Variants in RORA observed in about 807,000 individuals in gnomAD.
The protein encoded by RORA is nuclear receptor ROR-alpha.
In RORA, 7 loss-of-function variants were observed where a neutral mutation model predicts 69.5. The ratio of observed to expected loss-of-function variants is 0.10; its 90% confidence interval spans 0.06 to 0.19. The LOEUF is 0.19. Among genes scored for constraint, RORA ranks in the 10% least tolerant of loss-of-function variants. The probability of loss-of-function intolerance (pLI) is 1.00; values close to 1 mark genes in which losing one functional copy is unlikely to be tolerated. For synonymous variants in RORA, 261 were observed against 240.8 expected, an observed-to-expected ratio of 1.08 and a Z score of -0.78; for missense variants, 457 against 663.0, an observed-to-expected ratio of 0.69 and a Z score of 3.41.
chr15:60,592,678 G>GCGCCC (rs1398962248), intron 2 of RORA: 232 of 1,072,180 alleles, frequency 2.2e-4, no homozygotes, highest in African/African-American at 3.2e-4. Context: ...CCCCAGCGCC[G>GCGCCC]CGCCCCGCCC....
chr15:60,847,919 A>T (rs1019161045), intron 1 of RORA: 1 of 152,252 alleles, frequency 6.6e-6, no homozygotes, highest in Non-Finnish European at 1.5e-5. Context: ...TCATCCATGT[A>T]CAAGTTAGCC....
chr15:61,132,290 T>A (rs970858881), intron 1 of RORA, among the ~76,000 whole-genome samples: 3 of 152,182 alleles, frequency 2.0e-5, no homozygotes, highest in African/African-American at 7.2e-5. Flanking sequence ...GTTTTTTTTT[T>A]ATCTTAACGG....
chr15:60,732,128 G>A (rs1312832198), intron 1 of RORA, among the ~76,000 whole-genome samples: 2 of 152,134 alleles, frequency 1.3e-5, no homozygotes, highest in Non-Finnish European at 2.9e-5. Context: ...AAAAGACGTT[G>A]CCTTAAAATG....
chr15:60,600,698 G>A (rs1293349743), intron 2 of RORA, among the ~76,000 whole-genome samples: 3 of 152,034 alleles, frequency 2.0e-5, no homozygotes, highest in Non-Finnish European at 4.4e-5. Flanking sequence ...TAAGATGGAG[G>A]TAGATTAAAT....
At chr15:61,134,390 T>C (rs1301774757) in intron 1 of RORA, among the ~76,000 whole-genome samples, 1 of 152,224 alleles carries the variant, frequency 6.6e-6, no homozygotes, top group Non-Finnish European at 1.5e-5. Flanking sequence ...ACCAGCTCCC[T>C]ATGTAAGGTT....
At chr15:61,111,031 G>A (rs191469221) in intron 1 of RORA, among the ~76,000 whole-genome samples, 2 of 152,316 alleles carry the variant, frequency 1.3e-5, no homozygotes, top group African/African-American at 4.8e-5. Flanking sequence ...TGACTGTGCA[G>A]TGTAGACCTC....
chr15:60,645,832 T>A (rs963675619), intron 2 of RORA, among the ~76,000 whole-genome samples: 2 of 152,096 alleles, frequency 1.3e-5, no homozygotes, highest in Non-Finnish European at 2.9e-5. Flanking sequence ...AGGGGCTGAT[T>A]TCGTTATATG....
At chr15:60,978,460 T>G (rs1566931616) in intron 1 of RORA, among the ~76,000 whole-genome samples, 1 of 152,208 alleles carries the variant, frequency 6.6e-6, no homozygotes, top group Non-Finnish European at 1.5e-5. Flanking sequence ...TTTTATCCTA[T>G]TCTATGGGTT....
chr15:60,691,449 G>A (rs1374611596), intron 1 of RORA, among the ~76,000 whole-genome samples: 3 of 152,152 alleles, frequency 2.0e-5, no homozygotes, highest in Admixed American at 6.6e-5. Context: ...TGTTAACTGA[G>A]GATCAGAAAA....
chr15:60,830,951 G>C (rs34951111), intron 1 of RORA, among the ~76,000 whole-genome samples: 58,712 of 152,030 alleles, frequency 0.39, 12,300 homozygotes, highest in South Asian at 0.5. Flanking sequence ...ATGCACGTGT[G>C]TGTGTGTATG....
intron 1 of RORA, among the ~76,000 whole-genome samples, chr15:61,019,695 A>C (rs1895437100): frequency 1.3e-5 from 2 of 152,142 alleles, no homozygotes; most frequent in African/African-American, 4.8e-5. Flanking sequence ...AGTCTCTCAC[A>C]TCTGTACTTA....
At chr15:60,880,861 C>T (rs538508900) in intron 1 of RORA, among the ~76,000 whole-genome samples, 61 of 152,136 alleles carry the variant, frequency 4.0e-4, no homozygotes, top group Admixed American at 9.8e-4. Flanking sequence ...AAAAATCCGC[C>T]GATGCATTTA....
intron 1 of RORA, among the ~76,000 whole-genome samples, chr15:61,073,441 C>T (rs1206212132): frequency 6.7e-6 from 1 of 150,366 alleles, no homozygotes; most frequent in Non-Finnish European, 1.5e-5. Context: ...CTTATCTAGG[C>T]ACATTTCTTC....
At chr15:61,186,668 G>A (rs1418621443) in intron 1 of RORA, among the ~76,000 whole-genome samples, 1 of 130,676 alleles carries the variant, frequency 7.7e-6, no homozygotes. Context: ...AAAAAAAAAA[G>A]GGAAAAAGAA....
At chr15:60,574,551 A>C (rs2067972679) in intron 2 of RORA, among the ~76,000 whole-genome samples, 1 of 152,230 alleles carries the variant, frequency 6.6e-6, no homozygotes, top group Admixed American at 6.5e-5. Flanking sequence ...CCCTAACTTC[A>C]AACTTGAATA....
intron 1 of RORA, among the ~76,000 whole-genome samples, chr15:61,051,156 G>C (rs758028120): frequency 6.6e-6 from 1 of 152,230 alleles, no homozygotes; most frequent in Admixed American, 6.5e-5. Context: ...TCTGAGCAGG[G>C]TGTGGAAGGA....
chr15:61,208,811 T>G (rs1363211464), intron 1 of RORA, among the ~76,000 whole-genome samples: 1 of 152,166 alleles, frequency 6.6e-6, no homozygotes, highest in Non-Finnish European at 1.5e-5. Flanking sequence ...ACAATTTGTC[T>G]TCATTATTTT....
intron 1 of RORA, among the ~76,000 whole-genome samples, chr15:61,027,180 T>A (rs1895865497): frequency 6.6e-6 from 1 of 152,242 alleles, no homozygotes; most frequent in Non-Finnish European, 1.5e-5. Context: ...CATGCGCCAA[T>A]AGTATTAGTT....
At chr15:60,694,753 G>A (rs1261701968) in intron 1 of RORA, among the ~76,000 whole-genome samples, 1 of 152,154 alleles carries the variant, frequency 6.6e-6, no homozygotes, top group Non-Finnish European at 1.5e-5. Context: ...TGTAAAACCA[G>A]CACTCTCAAG....
Sources: gnomAD v4.1 joint callset for allele counts (sites outside exome capture counted in the v4.1 genomes callset) on GRCh38, gnomAD v4.1.1 for gene constraint, MANE v1.5 for transcripts, NCBI Gene and HGNC (gene_info 2026-07-23, HGNC 2026-07-21) for gene names.